The following IFNLR1 variants were observed in gnomAD, a reference collection of about 807,000 sequenced individuals.
IFNLR1 encodes CRF2-12.
IFNLR1 carries 28 observed loss-of-function variants against 52.5 expected under a neutral mutation model. The observed-to-expected ratio is 0.53, with a 90% CI of 0.40 to 0.73. IFNLR1 has a LOEUF of 0.73. IFNLR1 is among the 30% of genes least tolerant of loss of function. IFNLR1 has a pLI of 0.00. For missense variants in IFNLR1, 623 were observed against 659.1 expected (o/e 0.95, Z 0.60); for synonymous variants, 276 against 274.9 (o/e 1.00, Z -0.04).
chr1:24,163,428 G>A (rs1557644833), intron 3 of IFNLR1, among the ~76,000 whole-genome samples: 1 of 152,088 alleles, frequency 6.6e-6, no homozygotes, highest in East Asian at 1.9e-4. Context: ...AACCATAACA[G>A]TCTATAACGT....
At position 24,157,636 on chromosome 1, in the gene IFNLR1, C is replaced by G; in HGVS notation, c.1057G>C (p.Glu353Gln). ...YIEPPSFLGQ[E>Q]HQAPGHSEAG... ...TCCGAGTGCCCTGGAGCCTGGTGCT[C>G]TTGCCCCAGGAAAGAAGGTGGTTCA... Residue 353 changes from glutamate (E) to glutamine (Q), a missense_variant, in exon 7 of 7, where the codon GAG becomes CAG. Physicochemically the swap from Glu to Gln is conservative, Grantham distance 29. Coordinates refer to ENST00000327535, the MANE Select transcript of IFNLR1 (RefSeq NM_170743.4). The surrounding 1 kb of genome is among the most constrained non-coding windows in gnomAD (Gnocchi z 5.1). The G allele has an allele frequency of 6.2e-7, 1 of 1,607,540 alleles. No individual in the cohort carries two copies. Among genetic ancestry groups the G allele is most frequent in the Non-Finnish European group, 8.5e-7 (1 of 1,176,830 alleles).
At chr1:24,178,613 A>G (rs755241605) in intron 2 of IFNLR1, among the ~76,000 whole-genome samples, 10 of 152,142 alleles carry the variant, frequency 6.6e-5, no homozygotes, top group Non-Finnish European at 1.3e-4. Flanking sequence ...AGATGAGGCA[A>G]TTCAAGCTTC....
chr1:24,186,548 A>G (rs910858070), intron 1 of IFNLR1, among the ~76,000 whole-genome samples: 1 of 151,952 alleles, frequency 6.6e-6, no homozygotes, highest in Non-Finnish European at 1.5e-5. Flanking sequence ...CCTGGGGGCG[A>G]TTTCTGGACC....
chr1:24,167,548 G>A (rs1484180340), intron 3 of IFNLR1, among the ~76,000 whole-genome samples: 1 of 151,588 alleles, frequency 6.6e-6, no homozygotes. Context: ...CCACACACGG[G>A]TAACTTTTGT....
intron 3 of IFNLR1, among the ~76,000 whole-genome samples, chr1:24,167,133 C>T (rs1473128687): frequency 1.3e-5 from 2 of 152,232 alleles, no homozygotes; most frequent in Non-Finnish European, 2.9e-5. Context: ...TCAACTTCTC[C>T]TGTCCTTGGA....
intron 1 of IFNLR1, among the ~76,000 whole-genome samples, chr1:24,182,844 C>T (rs1200151604): frequency 1.3e-5 from 2 of 152,048 alleles, no homozygotes; most frequent in South Asian, 4.2e-4. Flanking sequence ...CGCTTGAATC[C>T]GGGAGGTGGA....
chr1:24,163,200 C>G (rs943168827), intron 3 of IFNLR1, among the ~76,000 whole-genome samples: 2 of 151,940 alleles, frequency 1.3e-5, no homozygotes, highest in Non-Finnish European at 2.9e-5. Flanking sequence ...GACTTCAAGT[C>G]TTGGCCCCGC....
intron 3 of IFNLR1, among the ~76,000 whole-genome samples, chr1:24,167,914 G>A (rs1644536229): frequency 6.7e-6 from 1 of 150,266 alleles, no homozygotes; most frequent in Admixed American, 6.6e-5. Context: ...AGCCAGGATG[G>A]TCTTGATCTC....
At chr1:24,162,807 CT>C (rs1557644072) in intron 3 of IFNLR1, among the ~76,000 whole-genome samples, 8 of 83,908 alleles carry the variant, frequency 9.5e-5, no homozygotes, top group South Asian at 4.9e-4. Context: ...TTTCTTTTTT[CT>C]TTCTTTTTTT....
At chr1:24,176,671 C>A (rs1424535115) in intron 2 of IFNLR1, among the ~76,000 whole-genome samples, 1 of 152,146 alleles carries the variant, frequency 6.6e-6, no homozygotes, top group Non-Finnish European at 1.5e-5. Flanking sequence ...CACATGGAAG[C>A]ATACAGTTTT....
At chr1:24,168,210 C>A (rs566190553) in intron 3 of IFNLR1, among the ~76,000 whole-genome samples, 17 of 152,176 alleles carry the variant, frequency 1.1e-4, no homozygotes, top group Middle Eastern at 3.4e-3. Flanking sequence ...TCTGTCCTTC[C>A]CTTCTTTTAT....
In IFNLR1 at chr1:24,156,533, C is replaced by T. The variant is rs1644380338; in HGVS notation, c.*597G>A. The T allele has an allele frequency of 6.6e-6, 1 of 152,506 alleles. No homozygotes were observed. The highest frequency in any genetic ancestry group is 6.5e-5 in the Admixed American group (1 of 15,292). 9.4% of individuals were successfully genotyped at this position (152,506 alleles called of 1,614,324 possible). On this transcript the variant is annotated 3_prime_UTR_variant, in exon 7 of 7. Coordinates refer to ENST00000327535, the MANE Select transcript of IFNLR1 (RefSeq NM_170743.4). ...AGCTGGGATTTGAACCCCGGTCTGTCTGACACTAAAACCGTACAGTGCCAT... is the reference window on the plus strand; with the variant it reads ...AGCTGGGATTTGAACCCCGGTCTGTTTGACACTAAAACCGTACAGTGCCAT...
At chr1:24,179,551 C>G (rs553833586) in intron 2 of IFNLR1, among the ~76,000 whole-genome samples, 1 of 152,338 alleles carries the variant, frequency 6.6e-6, no homozygotes, top group Admixed American at 6.5e-5. Flanking sequence ...GTGGATTCCA[C>G]ACATGGAAGG....
At chr1:24,164,669 C>T (rs187168320) in intron 3 of IFNLR1, among the ~76,000 whole-genome samples, 2 of 152,170 alleles carry the variant, frequency 1.3e-5, no homozygotes, top group Non-Finnish European at 2.9e-5. Context: ...GCCTTTTGAG[C>T]GACTGAGTAC....
chr1:24,187,102 C>A, intron 1 of IFNLR1, 89 bp downstream of exon 1: 1 of 857,456 alleles, frequency 1.2e-6, no homozygotes, highest in Non-Finnish European at 1.6e-6. Context: ...GGACCCCGTG[C>A]CTGTCCCAGG....
Position 24,155,607 on chromosome 1 carries a change from G to C in IFNLR1, c.*1523C>G, listed in dbSNP as rs963675821. 1 of 152,282 alleles carries C rather than the reference G, an allele frequency of 6.6e-6. No individual in the cohort carries two copies. Among genetic ancestry groups the C allele is most frequent in the African/African-American group, 2.4e-5 (1 of 41,464 alleles). 9.4% of individuals were successfully genotyped at this position (152,282 alleles called of 1,614,324 possible). A position where few individuals can be genotyped will look rare whatever the true frequency, so the allele number is the denominator to read the frequency against. ...CTGCAACTGCAGCCCAAGGCCTCTG[G>C]GGGACATGGTTTGAGAATCCCTGGA... is the stretch of plus-strand genomic sequence containing the variant. On this transcript the variant is annotated 3_prime_UTR_variant, in exon 7 of 7. Coordinates refer to ENST00000327535, the MANE Select transcript of IFNLR1 (RefSeq NM_170743.4).
chr1:24,186,585 G>A (rs142546008), intron 1 of IFNLR1, among the ~76,000 whole-genome samples: 1 of 152,086 alleles, frequency 6.6e-6, no homozygotes, highest in East Asian at 1.9e-4. Context: ...GGTTGGAGTC[G>A]TGGGCGGTGA....
At chr1:24,159,303 AGACT>A in intron 5 of IFNLR1, 121 bp from the exon 6 acceptor site, 2 of 1,363,890 alleles carry the variant, frequency 1.5e-6, no homozygotes, top group Non-Finnish European at 2.0e-6. Context: ...CCCATCCTGC[AGACT>A]GTGCAAACCA....
In IFNLR1 at chr1:24,165,018, C is replaced by G. The variant is rs546724478; in HGVS notation, c.368-3334G>C. On this transcript the variant is annotated intron_variant, in intron 3 of 6. Transcript: ENST00000327535. ...CCTCAGGTGATCTGCTCGCCTCGGA[C>G]TCTCAAAGTGCTGGGATTACAGGCA... 1.9e-3 allele frequency among the ~76,000 whole-genome samples: 286 copies of G among 152,322 alleles called. 3 individuals carry two copies. The highest frequency in any genetic ancestry group is 2.7e-3 in the Non-Finnish European group (184 of 68,028).
Sources: allele counts gnomAD v4.1 joint callset (sites outside exome capture counted in the v4.1 genomes callset), GRCh38; gene constraint gnomAD v4.1.1; non-coding constraint Gnocchi (gnomAD v3.1); transcripts MANE v1.5; gene names NCBI Gene and HGNC (gene_info 2026-07-23, HGNC 2026-07-21).